Variants in PTPRN2 observed in about 807,000 individuals in gnomAD.
PTPRN2 encodes protein tyrosine phosphatase receptor type N2.
PTPRN2 carries 74 observed loss-of-function variants against 118.8 expected under a neutral mutation model. That is an observed-to-expected ratio of 0.62 (90% confidence interval 0.52 to 0.76). The LOEUF (loss-of-function observed/expected upper bound fraction) is 0.76. Ranked by LOEUF, PTPRN2 falls within the 30% of genes least tolerant of loss-of-function variation. The pLI is 0.00. For missense variants in PTPRN2, 1,481 were observed against 1,394.4 expected, an observed-to-expected ratio of 1.06 and a Z score of -0.99; for synonymous variants, 641 against 608.0, an observed-to-expected ratio of 1.05 and a Z score of -0.80.
At position 157,627,070 on chromosome 7, in the gene PTPRN2, C is replaced by CT. The variant is rs540690523; in HGVS notation, c.2197-5562dup. Among the ~76,000 whole-genome samples the CT allele has an allele frequency of 6.6e-6, 1 of 152,352 alleles. No individual in the cohort carries two copies. The highest frequency in any genetic ancestry group is 1.9e-4 in the East Asian group (1 of 5,192). On this transcript the variant is annotated intron_variant, in intron 14 of 22. Coordinates refer to ENST00000389418, the MANE Select transcript of PTPRN2 (RefSeq NM_002847.5). This position sits in a 1 kb window ranked among gnomAD's most constrained non-coding sequence, Gnocchi z 4.2. ...ACAAGTCTCCTCCACAACTCTTCTC[C>CT]TTTTTTCACATCTCCCTCATTCTCC...
intron 11 of PTPRN2, among the ~76,000 whole-genome samples, chr7:157,954,736 G>A (rs1801076681): frequency 6.6e-6 from 1 of 152,190 alleles, no homozygotes; most frequent in Non-Finnish European, 1.5e-5. Context: ...CTTTTCAGGG[G>A]TGGAAGTGGG....
intron 13 of PTPRN2, among the ~76,000 whole-genome samples, chr7:157,673,921 T>C: frequency 6.6e-6 from 1 of 152,124 alleles, no homozygotes; most frequent in Non-Finnish European, 1.5e-5. Context: ...CCGACTCTGA[T>C]GTAAGATCAA....
intron 21 of PTPRN2, among the ~76,000 whole-genome samples, chr7:157,559,162 C>T (rs1384190574): frequency 6.6e-6 from 1 of 152,178 alleles, no homozygotes; most frequent in Non-Finnish European, 1.5e-5. Context: ...CATCGGGGGA[C>T]CCCCAGCATC....
In PTPRN2 at chr7:157,620,120, C is replaced by T. The variant is rs146843224; in HGVS notation, c.2344+1242G>A. On this transcript the variant is annotated intron_variant, in intron 15 of 22. Coordinates refer to ENST00000389418, the MANE Select transcript of PTPRN2 (RefSeq NM_002847.5). The stretch of plus-strand genomic sequence containing the variant: ...ACCCACACTGTCATTTATCATTCAT[C>T]ACTCAACGTTGTGAGTATCTACTTC... Among the ~76,000 whole-genome samples the T allele has an allele frequency of 2.6e-5, 4 of 152,332 alleles. No individual in the cohort carries two copies. In the East Asian group the frequency reaches 7.7e-4, roughly 29 times the overall value.
At chr7:158,212,016 G>C (rs926126472) in intron 3 of PTPRN2, among the ~76,000 whole-genome samples, 1 of 152,172 alleles carries the variant, frequency 6.6e-6, no homozygotes, top group African/African-American at 2.4e-5. Flanking sequence ...CCTCTACACA[G>C]TGGAGTACTA....
chr7:157,905,515 G>A (rs1404523300), intron 11 of PTPRN2, among the ~76,000 whole-genome samples: 1 of 152,162 alleles, frequency 6.6e-6, no homozygotes. Flanking sequence ...CTAGATGAAG[G>A]ATATGCAAAT....
At chr7:158,206,298 C>T (rs1302745117) in intron 3 of PTPRN2, among the ~76,000 whole-genome samples, 1 of 152,192 alleles carries the variant, frequency 6.6e-6, no homozygotes, top group Non-Finnish European at 1.5e-5. Context: ...GGCCCTAGCT[C>T]CCAGGTGACA....
At chr7:157,645,384 A>G (rs772616788) in intron 14 of PTPRN2, among the ~76,000 whole-genome samples, 1 of 152,234 alleles carries the variant, frequency 6.6e-6, no homozygotes, top group Non-Finnish European at 1.5e-5. Flanking sequence ...GAGACCTGGG[A>G]CAGAGGTACC....
In PTPRN2 at chr7:158,366,805, G is replaced by A. The variant is rs538202932; in HGVS notation, c.164-49873C>T. On this transcript the variant is annotated intron_variant, in intron 2 of 22. Coordinates refer to ENST00000389418, the MANE Select transcript of PTPRN2 (RefSeq NM_002847.5). ...TTACCAGAGATCCAAAGCTGCAGTC[G>A]TTTAGCTGGTTTCTGTTTCCAGGGG... Among the ~76,000 whole-genome samples, 7 of 152,318 alleles carry A rather than the reference G, an allele frequency of 4.6e-5. No individual in the cohort carries two copies. The East Asian group carries it at 9.6e-4, about 21-fold the overall frequency.
At chr7:157,847,969 A>T (rs1014207367) in intron 12 of PTPRN2, among the ~76,000 whole-genome samples, 6 of 151,502 alleles carry the variant, frequency 4.0e-5, no homozygotes, top group African/African-American at 1.5e-4. Flanking sequence ...TGTATGCCCG[A>T]TGTTTACAGA....
intron 10 of PTPRN2, among the ~76,000 whole-genome samples, chr7:158,097,528 C>T (rs373971296): frequency 2.4e-4 from 36 of 152,320 alleles, no homozygotes; most frequent in African/African-American, 8.2e-4. Flanking sequence ...GGAGCTCCAC[C>T]GAAGCCATCT....
chr7:158,447,103 A>T (rs1189672479), intron 2 of PTPRN2, among the ~76,000 whole-genome samples: 1 of 152,176 alleles, frequency 6.6e-6, no homozygotes, highest in East Asian at 1.9e-4. Context: ...AAACAGATTT[A>T]AAATTTTTGC....
intron 8 of PTPRN2, among the ~76,000 whole-genome samples, chr7:158,134,547 G>A (rs1449725385): frequency 5.3e-5 from 8 of 152,276 alleles, no homozygotes; most frequent in Middle Eastern, 6.8e-3. Flanking sequence ...GAGTCCTCAC[G>A]TAAGCCTGTG....
At position 158,205,248 on chromosome 7, in the gene PTPRN2, A is replaced by C. The variant is rs747972313; in HGVS notation, c.303T>G (p.Thr101=). 4.3e-6 allele frequency: 7 copies of C among 1,613,940 alleles called. No homozygotes were observed. The South Asian group carries it at 7.7e-5, about 18-fold the overall frequency. ...GTGFTWQDDY[T]QYVMDQELAD... The stretch of plus-strand genomic sequence containing the variant: ...CAAGTTCCTGGTCCATCACATACTG[A>C]GTATAGTCATCCTGCCACGTGAAAC... The change falls in exon 4 of 23, where the codon ACT becomes ACG. Residue 101 remains threonine, a synonymous_variant. Transcript: ENST00000389418.
chr7:158,282,337 C>T (rs1412683469), intron 3 of PTPRN2, among the ~76,000 whole-genome samples: 1 of 152,334 alleles, frequency 6.6e-6, no homozygotes, highest in East Asian at 1.9e-4. Context: ...TATTGTTAAA[C>T]TCTATAATGA....
intron 2 of PTPRN2, among the ~76,000 whole-genome samples, chr7:158,488,080 G>A (rs762884534): frequency 2.6e-5 from 4 of 152,128 alleles, no homozygotes; most frequent in Non-Finnish European, 5.9e-5. Context: ...TCAAGGAGCC[G>A]GGGAGACAGC....
intron 1 of PTPRN2, among the ~76,000 whole-genome samples, chr7:158,540,993 T>G (rs532529646): frequency 2.0e-4 from 31 of 152,298 alleles, no homozygotes; most frequent in Non-Finnish European, 4.3e-4. Context: ...GGAATCCACT[T>G]TTTTGCAGAC....
chr7:158,244,647 TG>T, intron 3 of PTPRN2, among the ~76,000 whole-genome samples: 1 of 145,630 alleles, frequency 6.9e-6, no homozygotes, highest in Non-Finnish European at 1.5e-5. Flanking sequence ...GACTTGTGAT[TG>T]TTTTGTGTGT....
intron 1 of PTPRN2, among the ~76,000 whole-genome samples, chr7:158,519,464 G>C (rs1823823191): frequency 6.6e-6 from 1 of 152,180 alleles, no homozygotes; most frequent in Admixed American, 6.5e-5. Context: ...CGATCTGCAG[G>C]TGGCTCTCAG....
Sources: gnomAD v4.1 joint callset for allele counts (sites outside exome capture counted in the v4.1 genomes callset) on GRCh38, gnomAD v4.1.1 for gene constraint, Gnocchi (gnomAD v3.1) non-coding constraint, MANE v1.5 for transcripts, NCBI Gene and HGNC (gene_info 2026-07-23, HGNC 2026-07-21) for gene names.